Variants in SNTG1 observed in about 807,000 individuals in gnomAD.
SNTG1 encodes syntrophin gamma 1, also known as gamma-1-syntrophin.
Under a neutral mutation model 74.7 loss-of-function variants are expected in SNTG1, and 39 were observed. The ratio of observed to expected loss-of-function variants is 0.52; its 90% CI spans 0.40 to 0.68. SNTG1 has a LOEUF of 0.68. SNTG1 is among the 30% of genes least tolerant of loss of function. The probability of loss-of-function intolerance (pLI) is 0.00; values close to 1 mark genes in which losing one functional copy is unlikely to be tolerated. For synonymous variants in SNTG1, 254 were observed against 217.1 expected, an observed-to-expected ratio of 1.17 and a Z score of -1.49; for missense variants, 685 against 609.5, an observed-to-expected ratio of 1.12 and a Z score of -1.30.
At chr8:50,162,366 C>T (rs1052090745) in intron 1 of SNTG1, among the ~76,000 whole-genome samples, 11 of 151,614 alleles carry the variant, frequency 7.3e-5, no homozygotes, top group East Asian at 1.9e-4. Context: ...ATGGAGACCA[C>T]CCTGGCTAAC....
chr8:49,976,818 G>T (rs1812236170), intron 1 of SNTG1, among the ~76,000 whole-genome samples: 1 of 152,046 alleles, frequency 6.6e-6, no homozygotes, highest in African/African-American at 2.4e-5. Flanking sequence ...GGGTACAATG[G>T]GAAGCCACCA....
intron 3 of SNTG1, among the ~76,000 whole-genome samples, chr8:50,399,318 C>T (rs1334147218): frequency 6.6e-6 from 1 of 152,116 alleles, no homozygotes; most frequent in Non-Finnish European, 1.5e-5. Context: ...AGCTCAAAGA[C>T]TGTATTCTGT....
chr8:50,741,199 A>G (rs2095542473), intron 17 of SNTG1, among the ~76,000 whole-genome samples: 1 of 151,990 alleles, frequency 6.6e-6, no homozygotes, highest in Non-Finnish European at 1.5e-5. Flanking sequence ...ATCTCAGTTC[A>G]TCGCAACACT....
At chr8:49,948,871 C>T (rs9643685) in intron 1 of SNTG1, among the ~76,000 whole-genome samples, 96,548 of 152,110 alleles carry the variant, frequency 0.63, 34,460 homozygotes, top group East Asian at 0.86. Context: ...TAAGAGCCCC[C>T]GGGCTCACGG....
rs183885321 is a variant in SNTG1, at chr8:50,710,069, C to T, written c.1284+1091C>T. ...TAATGGTGGGATCCAGGTAGGATGC[C>T]GCCCTGTGTTCATTCACCTTGTGAA... On this transcript the variant is annotated intron_variant, in intron 17 of 18. Coordinates refer to ENST00000642720, the MANE Select transcript of SNTG1 (RefSeq NM_018967.5). Among the ~76,000 whole-genome samples the T allele has an allele frequency of 9.3e-4, 142 of 152,170 alleles. 2 individuals are homozygous for T. The highest frequency in any genetic ancestry group is 6.8e-3 in the Middle Eastern group (2 of 292).
intron 8 of SNTG1, among the ~76,000 whole-genome samples, chr8:50,466,994 T>G (rs2093613627): frequency 6.6e-6 from 1 of 151,942 alleles, no homozygotes; most frequent in Non-Finnish European, 1.5e-5. Flanking sequence ...AAACTTTGAT[T>G]CATACATGCT....
intron 1 of SNTG1, among the ~76,000 whole-genome samples, chr8:49,972,292 C>T (rs1427785137): frequency 2.0e-5 from 3 of 152,102 alleles, no homozygotes; most frequent in Admixed American, 6.6e-5. Context: ...ATAAATGGTG[C>T]TGGGAAAACT....
At chr8:49,984,823 A>G (rs1291190025) in intron 1 of SNTG1, among the ~76,000 whole-genome samples, 2 of 152,132 alleles carry the variant, frequency 1.3e-5, no homozygotes, top group African/African-American at 2.4e-5. Flanking sequence ...CCATTCCCCA[A>G]TAATAGCATT....
At chr8:50,419,176 G>A (rs749669076) in intron 4 of SNTG1, among the ~76,000 whole-genome samples, 1 of 151,700 alleles carries the variant, frequency 6.6e-6, no homozygotes, top group Non-Finnish European at 1.5e-5. Flanking sequence ...ATGACAATAA[G>A]CCCAACCAAA....
chr8:50,198,237 A>G (rs117254896), intron 2 of SNTG1, among the ~76,000 whole-genome samples: 1,629 of 152,294 alleles, frequency 0.011, 16 homozygotes, highest in Non-Finnish European at 0.017. Context: ...GCTGGGAGAA[A>G]GCAGTCTCCC....
At chr8:50,406,940 G>A (rs2092883834) in intron 4 of SNTG1, among the ~76,000 whole-genome samples, 1 of 152,124 alleles carries the variant, frequency 6.6e-6, no homozygotes, top group African/African-American at 2.4e-5. Context: ...AACAGAGAAA[G>A]TAGCACACTG....
intron 2 of SNTG1, among the ~76,000 whole-genome samples, chr8:50,255,263 A>T (rs1000271422): frequency 7.9e-5 from 12 of 152,136 alleles, no homozygotes; most frequent in Non-Finnish European, 1.6e-4. Context: ...TTTAGCCATG[A>T]TTGGTATTCT....
At chr8:50,036,570 A>G (rs1818185432) in intron 1 of SNTG1, among the ~76,000 whole-genome samples, 1 of 152,082 alleles carries the variant, frequency 6.6e-6, no homozygotes, top group Non-Finnish European at 1.5e-5. Flanking sequence ...ACTAGACGAG[A>G]CCTCCTGATG....
intron 11 of SNTG1, among the ~76,000 whole-genome samples, chr8:50,541,142 T>G (rs1224946442): frequency 6.6e-6 from 1 of 152,070 alleles, no homozygotes; most frequent in Non-Finnish European, 1.5e-5. Context: ...AATAGTATTT[T>G]CATTTACTCT....
At chr8:50,647,509 G>C (rs975716778) in intron 13 of SNTG1, among the ~76,000 whole-genome samples, 2 of 151,840 alleles carry the variant, frequency 1.3e-5, no homozygotes, top group African/African-American at 4.8e-5. Context: ...GTTTCATTCT[G>C]TTGGGGTATT....
chr8:50,155,067 G>A (rs1329362608), intron 1 of SNTG1, among the ~76,000 whole-genome samples: 1 of 152,130 alleles, frequency 6.6e-6, no homozygotes, highest in Admixed American at 6.5e-5. Flanking sequence ...TTTTAAAATA[G>A]CTTGTGAAAG....
intron 12 of SNTG1, among the ~76,000 whole-genome samples, chr8:50,579,033 C>G (rs1585742377): frequency 6.6e-6 from 1 of 152,178 alleles, no homozygotes; most frequent in South Asian, 2.1e-4. Context: ...TTTGGAACTT[C>G]CTAGAGACTT....
chr8:50,114,203 GC>G (rs1554580376), intron 1 of SNTG1, among the ~76,000 whole-genome samples: 1 of 151,934 alleles, frequency 6.6e-6, no homozygotes, highest in Non-Finnish European at 1.5e-5. Context: ...CAACTAAAAA[GC>G]AGTTGGAATT....
At chr8:50,039,536 C>A (rs1034288253) in intron 1 of SNTG1, among the ~76,000 whole-genome samples, 1 of 149,604 alleles carries the variant, frequency 6.7e-6, no homozygotes, top group East Asian at 2.0e-4. Context: ...TCAGCACAGG[C>A]GAGGCCTCTC....
Sources: gnomAD v4.1 joint callset for allele counts (sites outside exome capture counted in the v4.1 genomes callset) on GRCh38, gnomAD v4.1.1 for gene constraint, MANE v1.5 for transcripts, NCBI Gene and HGNC (gene_info 2026-07-23, HGNC 2026-07-21) for gene names.